The following GRIK3 variants were observed in gnomAD, a reference collection of about 807,000 sequenced individuals.
GRIK3 encodes the protein glutamate ionotropic receptor kainate type subunit 3.
A neutral mutation model predicts 102.5 loss-of-function variants in GRIK3; 29 were observed. That is an observed-to-expected ratio of 0.28 (90% CI 0.21 to 0.39). The LOEUF (loss-of-function observed/expected upper bound fraction) is 0.39. Among genes scored for constraint, GRIK3 ranks in the 10% least tolerant of loss-of-function variants. The probability of loss-of-function intolerance (pLI) is 1.00; values close to 1 mark genes in which losing one functional copy is unlikely to be tolerated. For missense variants in GRIK3, 908 were observed against 1,252.4 expected, an observed-to-expected ratio of 0.73 and a Z score of 4.15; for synonymous variants, 511 against 504.9, an observed-to-expected ratio of 1.01 and a Z score of -0.16.
At chr1:36,887,833 C>T (rs1570781082) in intron 2 of GRIK3, among the ~76,000 whole-genome samples, 2 of 149,484 alleles carry the variant, frequency 1.3e-5, no homozygotes, top group Admixed American at 1.3e-4. Flanking sequence ...GACAGAGATT[C>T]ACTATATATA....
rs1642402050 is a variant in GRIK3 at position 36,799,011 on chromosome 1, CAA to C, written c.*2838_*2839del. ...TCACACACACAACACATGTGTGAGA[CAA>C]GAGCAAGAATGAGGCACGTGCTCTG... On this transcript the variant is annotated 3_prime_UTR_variant, in exon 16 of 16. Coordinates refer to ENST00000373091, the MANE Select transcript of GRIK3 (RefSeq NM_000831.4). 1.3e-5 allele frequency: 2 copies of C among 152,222 alleles called. No homozygotes were observed. Among genetic ancestry groups the C allele is most frequent in the African/African-American group, 2.4e-5 (1 of 41,442 alleles). 9.4% of individuals were successfully genotyped at this position (152,222 alleles called of 1,614,324 possible). A position where few individuals can be genotyped will look rare whatever the true frequency, so the allele number is the denominator to read the frequency against.
chr1:36,891,066 T>C lies in GRIK3; in HGVS notation c.146A>G (p.Asn49Ser), dbSNP rs1283169591. The change falls in exon 2 of 16, where the codon AAC becomes AGC. Residue 49 changes from asparagine (N) to serine (S), a missense_variant. Asn to Ser is a conservative substitution (Grantham distance 46, BLOSUM62 1). This residue lies in a region of GRIK3 where 585 missense variants were observed against 824.9 expected (regional missense o/e 0.71). Transcript: ENST00000373091. Reference sequence around the variant, plus strand: ...CTCCTCGGCATTCATGACCTGGGCGTTGGGGCCGTCCGCATACTCGAAGAT... The same window carrying C: ...CTCCTCGGCATTCATGACCTGGGCGCTGGGGCCGTCCGCATACTCGAAGAT... ...GGIFEYADGP[N>S]AQVMNAEEHA... The C allele has an allele frequency of 3.7e-6, 6 of 1,613,666 alleles. No individual in the cohort carries two copies. The highest frequency in any genetic ancestry group is 4.5e-5 in the East Asian group (2 of 44,874).
chr1:37,032,882 C>T (rs992570544), intron 1 of GRIK3, among the ~76,000 whole-genome samples: 1 of 152,214 alleles, frequency 6.6e-6, no homozygotes, highest in Admixed American at 6.5e-5. Context: ...GTTCCGGCAC[C>T]TCTTTCACGC....
intron 1 of GRIK3, among the ~76,000 whole-genome samples, chr1:36,961,075 G>C (rs781406916): frequency 6.6e-6 from 1 of 152,244 alleles, no homozygotes; most frequent in African/African-American, 2.4e-5. Flanking sequence ...CAGCTCTCTT[G>C]TTATCCTGTC....
intron 1 of GRIK3, among the ~76,000 whole-genome samples, chr1:37,028,294 A>G (rs984948074): frequency 2.6e-5 from 4 of 152,058 alleles, no homozygotes; most frequent in Non-Finnish European, 5.9e-5. Context: ...GGACATGTAG[A>G]CTACAGACCC....
intron 1 of GRIK3, among the ~76,000 whole-genome samples, chr1:36,896,618 C>A (rs1461821805): frequency 6.6e-6 from 1 of 151,934 alleles, no homozygotes; most frequent in Non-Finnish European, 1.5e-5. Flanking sequence ...ACAAGGGCAA[C>A]AAATAGAAAA....
In GRIK3 at chr1:36,901,777, A is replaced by G. The variant is rs577477470; in HGVS notation, c.116-10681T>C. Among the ~76,000 whole-genome samples, 461 of 152,340 alleles carry G rather than the reference A, an allele frequency of 3.0e-3. 1 individual carries two copies. Among genetic ancestry groups the G allele is most frequent in the Non-Finnish European group, 5.2e-3 (357 of 68,024 alleles). Reference sequence around the variant, plus strand: ...ATTCAGATTGGGGAGGAAGAAATAAAACTGTCTTTGTTTACAGGTGACATG... The same window carrying G: ...ATTCAGATTGGGGAGGAAGAAATAAGACTGTCTTTGTTTACAGGTGACATG... On this transcript the variant is annotated intron_variant, in intron 1 of 15. Transcript: ENST00000373091.
chr1:37,033,377 G>A (rs1332189171), intron 1 of GRIK3, among the ~76,000 whole-genome samples: 1 of 152,186 alleles, frequency 6.6e-6, no homozygotes, highest in Non-Finnish European at 1.5e-5. Context: ...GAGAGGCCTT[G>A]GCCCCGAGGG....
rs1461710252 is a variant in GRIK3, at chr1:36,899,186, T to C, written c.116-8090A>G. On this transcript the variant is annotated intron_variant, in intron 1 of 15. Coordinates refer to ENST00000373091, the MANE Select transcript of GRIK3 (RefSeq NM_000831.4). ...GAAAAGAAAGACAAATTGAGCTTAA[T>C]AAAAAATTACCAAAAAACTGTATAT... Among the ~76,000 whole-genome samples the C allele has an allele frequency of 2.0e-5, 3 of 152,042 alleles. No individual in the cohort carries two copies. In the East Asian group the frequency reaches 5.8e-4, roughly 29 times the overall value.
At chr1:36,864,036 C>T (rs531159544) in intron 5 of GRIK3, among the ~76,000 whole-genome samples, 1 of 152,206 alleles carries the variant, frequency 6.6e-6, no homozygotes, top group Non-Finnish European at 1.5e-5. Flanking sequence ...ACCCAATACC[C>T]TCCCCATGAT....
chr1:36,985,085 C>T (rs955066809), intron 1 of GRIK3, among the ~76,000 whole-genome samples: 3 of 152,012 alleles, frequency 2.0e-5, no homozygotes, highest in East Asian at 1.9e-4. Context: ...ATCATCCCTA[C>T]GGTGGGGGTC....
At chr1:36,923,666 T>C (rs893411750) in intron 1 of GRIK3, among the ~76,000 whole-genome samples, 1 of 152,184 alleles carries the variant, frequency 6.6e-6, no homozygotes, top group African/African-American at 2.4e-5. Flanking sequence ...CACTCTTCCG[T>C]GCTCTCTCCC....
At chr1:36,844,929 C>G (rs796147012) in intron 9 of GRIK3, among the ~76,000 whole-genome samples, 1 of 152,168 alleles carries the variant, frequency 6.6e-6, no homozygotes, top group African/African-American at 2.4e-5. Flanking sequence ...CCTGTCTTCA[C>G]GCCCCTCCCT....
At chr1:36,883,180 C>T (rs948040562) in intron 2 of GRIK3, among the ~76,000 whole-genome samples, 7 of 152,328 alleles carry the variant, frequency 4.6e-5, no homozygotes, top group East Asian at 1.9e-4. Flanking sequence ...ACATACCATA[C>T]GGCTAAATAG....
chr1:36,963,306 G>A (rs916750904), intron 1 of GRIK3, among the ~76,000 whole-genome samples: 12 of 152,100 alleles, frequency 7.9e-5, no homozygotes, highest in Non-Finnish European at 1.6e-4. Flanking sequence ...AAACAGCTCT[G>A]GGAATAAACA....
intron 2 of GRIK3, among the ~76,000 whole-genome samples, chr1:36,881,829 A>G (rs1570777398): frequency 6.6e-6 from 1 of 151,798 alleles, no homozygotes; most frequent in Non-Finnish European, 1.5e-5. Context: ...CCCTGTCCCT[A>G]CCGCCACTTT....
rs1056764223 is a variant in GRIK3 at position 36,806,699 on chromosome 1, G to T, written c.2092-373C>A. 6.6e-6 allele frequency among the ~76,000 whole-genome samples: 1 copy of T among 152,130 alleles called. No homozygotes were observed. Among genetic ancestry groups the T allele is most frequent in the African/African-American group, 2.4e-5 (1 of 41,402 alleles). On this transcript the variant is annotated intron_variant, in intron 13 of 15. Transcript: ENST00000373091. The surrounding 1 kb of genome is among the most constrained non-coding windows in gnomAD (Gnocchi z 4.0). ...CATTAACTCGTTGATTCTTCACAGC[G>T]CTCACAGGAGGCAGGCACCATCACA...
chr1:36,947,566 T>C (rs1241180322), intron 1 of GRIK3, among the ~76,000 whole-genome samples: 1 of 152,072 alleles, frequency 6.6e-6, no homozygotes, highest in Non-Finnish European at 1.5e-5. Context: ...GGTTCTCCTC[T>C]CCCCGTGACC....
chr1:36,954,347 C>A (rs1042298816), intron 1 of GRIK3, among the ~76,000 whole-genome samples: 1 of 152,256 alleles, frequency 6.6e-6, no homozygotes, highest in Non-Finnish European at 1.5e-5. Context: ...GCCTCAGCAT[C>A]AGAGGACTTG....
Sources: allele counts gnomAD v4.1 joint callset (sites outside exome capture counted in the v4.1 genomes callset), GRCh38; gene constraint gnomAD v4.1.1; regional missense constraint gnomAD v4.1.1; non-coding constraint Gnocchi (gnomAD v3.1); transcripts MANE v1.5; gene names NCBI Gene and HGNC (gene_info 2026-07-23, HGNC 2026-07-21).